NTNG1: variants seen among roughly 807,000 people sequenced by gnomAD.
NTNG1 encodes netrin G1.
Under a neutral mutation model 54.0 loss-of-function variants are expected in NTNG1, and 16 were observed. The ratio of observed to expected loss-of-function variants is 0.30; its 90% confidence interval spans 0.20 to 0.45. NTNG1 has a LOEUF of 0.45. Among genes scored for constraint, NTNG1 ranks in the 20% least tolerant of loss-of-function variants. The pLI, the probability that NTNG1 is intolerant of heterozygous loss-of-function variation, is 1.00. For missense variants in NTNG1, 530 were observed against 678.7 expected, an observed-to-expected ratio of 0.78 and a Z score of 2.43; for synonymous variants, 255 against 263.1, an observed-to-expected ratio of 0.97 and a Z score of 0.30.
At chr1:107,359,343 A>T (rs1236452626) in intron 3 of NTNG1, among the ~76,000 whole-genome samples, 1 of 152,206 alleles carries the variant, frequency 6.6e-6, no homozygotes, top group Non-Finnish European at 1.5e-5. Flanking sequence ...TATAAATAGG[A>T]GATGATAATA....
At chr1:107,153,028 G>T (rs1450895668) in intron 2 of NTNG1, among the ~76,000 whole-genome samples, 2 of 152,138 alleles carry the variant, frequency 1.3e-5, no homozygotes, top group African/African-American at 4.8e-5. Context: ...ATCTATTAAT[G>T]ATCACTCCAT....
At chr1:107,275,957 T>G (rs1220178265) in intron 2 of NTNG1, among the ~76,000 whole-genome samples, 1 of 152,206 alleles carries the variant, frequency 6.6e-6, no homozygotes, top group African/African-American at 2.4e-5. Flanking sequence ...CTTATTTTCC[T>G]GAGAATGCCA....
chr1:107,376,497 T>C (rs1671270541), intron 3 of NTNG1, among the ~76,000 whole-genome samples: 1 of 152,024 alleles, frequency 6.6e-6, no homozygotes, highest in South Asian at 2.1e-4. Flanking sequence ...AAGAAAATTG[T>C]CCAGTGTTGT....
intron 7 of NTNG1, among the ~76,000 whole-genome samples, chr1:107,457,319 G>T (rs1254724944): frequency 6.6e-6 from 1 of 152,172 alleles, no homozygotes; most frequent in African/African-American, 2.4e-5. Context: ...CAGCTTAAAA[G>T]AGCAGTACAT....
In NTNG1 at chr1:107,216,277, A is replaced by G. The variant is rs1570878324; in HGVS notation, c.246+67438A>G. 3.3e-5 allele frequency among the ~76,000 whole-genome samples: 5 copies of G among 152,220 alleles called. 1 individual carries two copies. The highest frequency in any genetic ancestry group is 3.3e-4 in the Admixed American group (5 of 15,286). On this transcript the variant is annotated intron_variant, in intron 2 of 7. Transcript: ENST00000370068. ...TTCCCCATTCAAGATACTGTTGGCT[A>G]TAGGTTTGTCATAGATGGCTTTTAT...
intron 2 of NTNG1, among the ~76,000 whole-genome samples, chr1:107,297,248 C>CCATCATATATATATATATATATATATAT (rs1557878514): frequency 1.6e-5 from 1 of 63,682 alleles, no homozygotes; most frequent in African/African-American, 6.5e-5. Flanking sequence ...TATATATATG[C>CCATCATATATATATATATATATATATAT]GCACACACAC....
intron 2 of NTNG1, among the ~76,000 whole-genome samples, chr1:107,280,786 A>G (rs867532394): frequency 6.6e-6 from 1 of 151,488 alleles, no homozygotes; most frequent in South Asian, 2.1e-4. Context: ...AGGTGCCAAC[A>G]CTCATAACAG....
chr1:107,437,630 A>G (rs1675687938), intron 7 of NTNG1, among the ~76,000 whole-genome samples: 1 of 152,234 alleles, frequency 6.6e-6, no homozygotes, highest in South Asian at 2.1e-4. Flanking sequence ...AGCAAGCCAC[A>G]TATGTAATTT....
intron 2 of NTNG1, among the ~76,000 whole-genome samples, chr1:107,246,590 T>C (rs1344058377): frequency 6.6e-6 from 1 of 152,094 alleles, no homozygotes; most frequent in African/African-American, 2.4e-5. Flanking sequence ...CATCTACTCC[T>C]ATTTCCTGTA....
At chr1:107,328,262 G>A (rs1377851340) in intron 3 of NTNG1, among the ~76,000 whole-genome samples, 1 of 152,106 alleles carries the variant, frequency 6.6e-6, no homozygotes, top group Non-Finnish European at 1.5e-5. Flanking sequence ...ATTTTCTCCA[G>A]TGAATAACAG....
At chr1:107,348,207 A>G (rs1195761277) in intron 3 of NTNG1, among the ~76,000 whole-genome samples, 1 of 151,608 alleles carries the variant, frequency 6.6e-6, no homozygotes, top group Non-Finnish European at 1.5e-5. Context: ...CTCACTGTGA[A>G]CTCCACCTCC....
chr1:107,474,699 A>T (rs1013967108), intron 7 of NTNG1, among the ~76,000 whole-genome samples: 2 of 152,330 alleles, frequency 1.3e-5, no homozygotes, highest in African/African-American at 4.8e-5. Flanking sequence ...GCACCATAAC[A>T]TGGCAGAAGG....
At chr1:107,251,578 A>G (rs867183534) in intron 2 of NTNG1, among the ~76,000 whole-genome samples, 42 of 152,104 alleles carry the variant, frequency 2.8e-4, no homozygotes, top group African/African-American at 9.7e-4. Context: ...CTCTCTTTCT[A>G]TTCCCTGGCC....
rs572817996 is a variant in NTNG1, at chr1:107,372,238, G to A, written c.888-22916G>A. ...ATTTGCTCTTCTTAATATGCTTTTC[G>A]TTTTCTAGTTTCTTAAGATGGAAGG... is the stretch of plus-strand genomic sequence containing the variant. On this transcript the variant is annotated intron_variant, in intron 3 of 7. Coordinates refer to ENST00000370068, the MANE Select transcript of NTNG1 (RefSeq NM_001113226.3). Among the ~76,000 whole-genome samples, 35 of 151,758 alleles carry A rather than the reference G, an allele frequency of 2.3e-4. No homozygotes were observed. The South Asian group carries it at 3.5e-3, about 15-fold the overall frequency.
At chr1:107,451,283 A>C (rs1041814795) in intron 7 of NTNG1, among the ~76,000 whole-genome samples, 1 of 152,048 alleles carries the variant, frequency 6.6e-6, no homozygotes, top group Admixed American at 6.6e-5. Context: ...TATTCCTGTA[A>C]AAAGATTTTT....
At chr1:107,397,038 T>C (rs1356132104) in intron 4 of NTNG1, among the ~76,000 whole-genome samples, 1 of 152,218 alleles carries the variant, frequency 6.6e-6, no homozygotes, top group African/African-American at 2.4e-5. Flanking sequence ...TGTTATTCTC[T>C]TGTTATAATC....
chr1:107,233,479 AT>A, intron 2 of NTNG1, among the ~76,000 whole-genome samples: 1 of 152,354 alleles, frequency 6.6e-6, no homozygotes, highest in African/African-American at 2.4e-5. Flanking sequence ...TTCAAAGCCC[AT>A]CCTTAAATGA....
At position 107,469,874 on chromosome 1, in the gene NTNG1, T is replaced by C. The variant is rs1571031973; in HGVS notation, c.1391-10737T>C. On this transcript the variant is annotated intron_variant, in intron 7 of 7. Coordinates refer to ENST00000370068, the MANE Select transcript of NTNG1 (RefSeq NM_001113226.3). ...GTACGTACAAGGGCAGAAATAGTTTTTTTTTTTAATTAGTTTAAATTCAAC... is the reference window on the plus strand; with the variant it reads ...GTACGTACAAGGGCAGAAATAGTTTCTTTTTTTAATTAGTTTAAATTCAAC... Among the ~76,000 whole-genome samples, 5 of 151,906 alleles carry C rather than the reference T, an allele frequency of 3.3e-5. No homozygotes were observed. In the East Asian group the frequency reaches 9.6e-4, roughly 29 times the overall value.
intron 2 of NTNG1, among the ~76,000 whole-genome samples, chr1:107,242,834 T>G (rs890317060): frequency 8.5e-5 from 13 of 152,200 alleles, no homozygotes; most frequent in Non-Finnish European, 1.8e-4. Context: ...TTTTGTTGGA[T>G]TTATAATTTA....
Sources: gnomAD v4.1 joint callset for allele counts (sites outside exome capture counted in the v4.1 genomes callset) on GRCh38, gnomAD v4.1.1 for gene constraint, MANE v1.5 for transcripts, NCBI Gene and HGNC (gene_info 2026-07-23, HGNC 2026-07-21) for gene names.